LDB3: variants seen among roughly 807,000 people sequenced by gnomAD.
LDB3 encodes the protein LIM domain binding 3, also known as LIM domain-binding protein 3.
Under a neutral mutation model 69.0 loss-of-function variants are expected in LDB3, and 49 were observed. The ratio of observed to expected loss-of-function variants is 0.71; its 90% CI spans 0.56 to 0.90. The LOEUF (loss-of-function observed/expected upper bound fraction) is 0.90. Ranked by LOEUF, LDB3 falls within the 40% of genes least tolerant of loss-of-function variation. LDB3 has a pLI of 0.00. For synonymous variants in LDB3, 387 were observed against 396.2 expected, an observed-to-expected ratio of 0.98 and a Z score of 0.28; for missense variants, 928 against 974.1, an observed-to-expected ratio of 0.95 and a Z score of 0.63.
Position 86,679,350 on chromosome 10 carries a change from C to T in LDB3, c.94-17C>T, listed in dbSNP as rs1313968826. 1.2e-6 allele frequency: 2 copies of T among 1,614,140 alleles called. No homozygotes were observed. The highest frequency in any genetic ancestry group is 1.7e-5 in the Admixed American group (1 of 60,026). On this transcript the variant is annotated splice_polypyrimidine_tract_variant and intron_variant, in intron 2 of 13. Transcript: ENST00000361373. ...CACCTTCCTTATGCTCACCCCCCAC[C>T]TCCACTATCCAATCAGATCACACCA...
In LDB3 at chr10:86,735,894, A is replaced by G. The variant is rs2132523149; in HGVS notation, c.*2918A>G. 6.6e-6 allele frequency: 1 copy of G among 151,834 alleles called. No individual in the cohort carries two copies. Among genetic ancestry groups the G allele is most frequent in the East Asian group, 1.9e-4 (1 of 5,184 alleles). The allele number at this position is 151,834 out of a possible 1,614,324, so 9.4% of individuals were successfully genotyped here. ...GGAACCTAGCTTTTATAATGTGTTA[A>G]CTTTTTAACTCAGTATTCTGGCTTT... is the stretch of plus-strand genomic sequence containing the variant. On this transcript the variant is annotated 3_prime_UTR_variant, in exon 14 of 14. Coordinates refer to ENST00000361373, the MANE Select transcript of LDB3 (RefSeq NM_007078.3).
chr10:86,726,576 GA>G, intron 13 of LDB3: 1 of 405,844 alleles, frequency 2.5e-6, no homozygotes, highest in Non-Finnish European at 4.7e-6. Flanking sequence ...TTGGCTTTGA[GA>G]GGGGCAGTTG....
intron 10 of LDB3, 92 bp downstream of exon 10, chr10:86,716,863 G>A (rs1375993084): frequency 1.5e-6 from 2 of 1,369,506 alleles, no homozygotes; most frequent in African/African-American, 2.9e-5. Flanking sequence ...GGGAGAGATG[G>A]GGGTAGGAGG....
chr10:86,727,844 A>AT lies in LDB3; in HGVS notation c.2094+1602dup, dbSNP rs34295502. Among the ~76,000 whole-genome samples the AT allele has an allele frequency of 5.6e-3, 481 of 85,732 alleles. 2 individuals carry two copies. The highest frequency in any genetic ancestry group is 0.015 in the African/African-American group (422 of 28,490). The allele number at this position is 85,732 out of a possible 152,430, so 56.2% of individuals were successfully genotyped here. ...CTGTGTGGGTCTCCTTTTTTTTTTT[A>AT]TTTTTTTTTTGAGATGGAGTTTCCC... On this transcript the variant is annotated intron_variant, in intron 13 of 13. Transcript: ENST00000361373.
chr10:86,696,900 T>C (rs1846022053), intron 7 of LDB3, among the ~76,000 whole-genome samples: 1 of 152,256 alleles, frequency 6.6e-6, no homozygotes, highest in South Asian at 2.1e-4. Flanking sequence ...ATGTGACCTC[T>C]CTGGGCTTCA....
chr10:86,685,438 C>T (rs1231932742), intron 5 of LDB3, among the ~76,000 whole-genome samples: 2 of 152,208 alleles, frequency 1.3e-5, no homozygotes, highest in East Asian at 3.9e-4. Flanking sequence ...GCAGAGGGCA[C>T]TGGGGACCCC....
intron 2 of LDB3, among the ~76,000 whole-genome samples, chr10:86,671,080 GC>G (rs1225055671): frequency 6.6e-6 from 1 of 152,252 alleles, no homozygotes; most frequent in Non-Finnish European, 1.5e-5. Flanking sequence ...CAGGACCTGA[GC>G]CTGTGCCATA....
chr10:86,713,942 C>T (rs961099137), intron 9 of LDB3, among the ~76,000 whole-genome samples: 2 of 152,152 alleles, frequency 1.3e-5, no homozygotes, highest in Non-Finnish European at 2.9e-5. Flanking sequence ...CAACCCTAGG[C>T]GCTACCAGTC....
At chr10:86,689,094 G>A (rs1004928783) in intron 5 of LDB3, among the ~76,000 whole-genome samples, 4 of 152,020 alleles carry the variant, frequency 2.6e-5, no homozygotes, top group Non-Finnish European at 2.9e-5. Flanking sequence ...GTTAATTTCC[G>A]TGGTTCCTTC....
At chr10:86,687,606 G>T (rs1845554957) in intron 5 of LDB3, among the ~76,000 whole-genome samples, 2 of 152,234 alleles carry the variant, frequency 1.3e-5, no homozygotes, top group Admixed American at 6.5e-5. Flanking sequence ...CATTCTGGAG[G>T]CCCCCAGGCC....
chr10:86,712,160 GCC>G (rs2132472175), intron 9 of LDB3, among the ~76,000 whole-genome samples: 1 of 152,120 alleles, frequency 6.6e-6, no homozygotes, highest in South Asian at 2.1e-4. Context: ...GAGCTGCCGG[GCC>G]GGGCCACCGA....
chr10:86,730,262 T>C (rs530124148), intron 13 of LDB3, among the ~76,000 whole-genome samples: 1 of 152,252 alleles, frequency 6.6e-6, no homozygotes, highest in South Asian at 2.1e-4. Flanking sequence ...GATTTCTCTG[T>C]CTCCATGGGG....
chr10:86,700,996 G>A (rs1051846320), intron 7 of LDB3, among the ~76,000 whole-genome samples: 4 of 152,234 alleles, frequency 2.6e-5, no homozygotes, highest in African/African-American at 9.6e-5. Context: ...CTGGGCAGAG[G>A]CTTTCCCTCT....
At chr10:86,690,803 CA>C (rs1845721918) in intron 5 of LDB3, among the ~76,000 whole-genome samples, 1 of 152,234 alleles carries the variant, frequency 6.6e-6, no homozygotes, top group African/African-American at 2.4e-5. Flanking sequence ...CCTATGACTG[CA>C]GGGAGCCTAA....
chr10:86,684,816 C>G (rs1034669076), intron 5 of LDB3, among the ~76,000 whole-genome samples: 2 of 152,226 alleles, frequency 1.3e-5, no homozygotes, highest in African/African-American at 4.8e-5. Flanking sequence ...TCACAGGCCC[C>G]CGACAGGGCT....
chr10:86,687,097 A>G (rs757409217), intron 5 of LDB3: 12 of 1,614,094 alleles, frequency 7.4e-6, no homozygotes, highest in Non-Finnish European at 1.0e-5. Flanking sequence ...CTTCAACCCC[A>G]GTGCCCTGAA....
At chr10:86,668,024 T>C (rs145357506), upstream of LDB3, among the ~76,000 whole-genome samples, 16 of 152,240 alleles carry the variant, frequency 1.1e-4, no homozygotes, top group East Asian at 2.7e-3. Flanking sequence ...CATACTGAGG[T>C]TGGCTATGCC....
At chr10:86,697,296 A>G (rs1846044731) in intron 7 of LDB3, among the ~76,000 whole-genome samples, 1 of 125,198 alleles carries the variant, frequency 8.0e-6, no homozygotes, top group Non-Finnish European at 1.5e-5. Context: ...ATCTCGGCTT[A>G]CTGCAACCTC....
intron 2 of LDB3, among the ~76,000 whole-genome samples, chr10:86,674,727 A>G (rs949419323): frequency 6.6e-6 from 1 of 152,164 alleles, no homozygotes; most frequent in Non-Finnish European, 1.5e-5. Flanking sequence ...AGCTCCAAGG[A>G]GTTGGGTGCT....
Sources: allele counts gnomAD v4.1 joint callset (sites outside exome capture counted in the v4.1 genomes callset), GRCh38; gene constraint gnomAD v4.1.1; transcripts MANE v1.5; gene names NCBI Gene and HGNC (gene_info 2026-07-23, HGNC 2026-07-21).